Variants in PPM1E observed in about 807,000 individuals in gnomAD.
PPM1E encodes the protein protein phosphatase, Mg2+/Mn2+ dependent 1E.
Under a neutral mutation model 65.9 loss-of-function variants are expected in PPM1E, and 20 were observed. The observed-to-expected ratio is 0.30, with a 90% CI of 0.21 to 0.44. PPM1E has a LOEUF of 0.44. Ranked by LOEUF, PPM1E falls within the 20% of genes least tolerant of loss-of-function variation. The probability of loss-of-function intolerance (pLI) is 1.00; values close to 1 mark genes in which losing one functional copy is unlikely to be tolerated. For synonymous variants in PPM1E, 352 were observed against 374.9 expected, an observed-to-expected ratio of 0.94 and a Z score of 0.70; for missense variants, 713 against 953.1, an observed-to-expected ratio of 0.75 and a Z score of 3.32.
In PPM1E at chr17:58,982,862, C is replaced by T. The variant is rs2031443155; in HGVS notation, c.*1831C>T. ...CATGGTCCTCACTCATATCTGTCAC[C>T]TTCTGAAGCCTAGATCTTGTTAACC... On this transcript the variant is annotated 3_prime_UTR_variant, in exon 7 of 7. Transcript: ENST00000308249. 6.5e-7 allele frequency: 1 copy of T among 1,542,604 alleles called. No homozygotes were observed.
chr17:58,828,568 G>A (rs928653362), intron 1 of PPM1E, among the ~76,000 whole-genome samples: 6 of 152,030 alleles, frequency 3.9e-5, no homozygotes, highest in Non-Finnish European at 7.4e-5. Context: ...AGGTTCAAGT[G>A]ATTCTCCTGC....
At chr17:58,950,905 A>C (rs1489589233) in intron 1 of PPM1E, among the ~76,000 whole-genome samples, 2 of 149,114 alleles carry the variant, frequency 1.3e-5, no homozygotes, top group South Asian at 2.1e-4. Flanking sequence ...CAGCCTCCCC[A>C]GTAGCTGGGA....
At chr17:58,977,650 G>A (rs899233756) in intron 6 of PPM1E, among the ~76,000 whole-genome samples, 1 of 152,138 alleles carries the variant, frequency 6.6e-6, no homozygotes, top group African/African-American at 2.4e-5. Flanking sequence ...GCTAGATAGG[G>A]CATGTGCCCA....
chr17:58,794,726 C>G (rs2050189476), intron 1 of PPM1E, among the ~76,000 whole-genome samples: 1 of 152,120 alleles, frequency 6.6e-6, no homozygotes, highest in Non-Finnish European at 1.5e-5. Context: ...ATCCATGTTG[C>G]TGCAAAGGAC....
intron 2 of PPM1E, among the ~76,000 whole-genome samples, chr17:58,961,456 C>G (rs2030028863): frequency 6.6e-6 from 1 of 152,110 alleles, no homozygotes. Flanking sequence ...GTGAAATGTT[C>G]TAGAGGCATA....
intron 6 of PPM1E, among the ~76,000 whole-genome samples, chr17:58,978,952 C>G (rs919041891): frequency 7.2e-5 from 11 of 152,170 alleles, no homozygotes; most frequent in Non-Finnish European, 1.2e-4. Context: ...CTACCCCAAG[C>G]ACCCTACTCT....
intron 1 of PPM1E, among the ~76,000 whole-genome samples, chr17:58,898,589 A>G (rs1290551319): frequency 7.2e-5 from 11 of 152,202 alleles, no homozygotes; most frequent in Admixed American, 5.2e-4. Context: ...ATCATTGTGG[A>G]AGACAGTGTG....
Position 58,879,565 on chromosome 17 carries a change from G to C in PPM1E, c.465-76084G>C, listed in dbSNP as rs375452400. ...CGCTCTGTCGCCCAGGCTGGAGTGC[G>C]GTGATGCTTGTCGGCTCACTGCAAG... On this transcript the variant is annotated intron_variant, in intron 1 of 6. Coordinates refer to ENST00000308249, the MANE Select transcript of PPM1E (RefSeq NM_014906.5). Among the ~76,000 whole-genome samples, 104 of 143,226 alleles carry C rather than the reference G, an allele frequency of 7.3e-4. 2 individuals are homozygous for C. In the South Asian group the frequency reaches 0.023, roughly 31 times the overall value. The allele number at this position is 143,226 out of a possible 152,430, so 94.0% of individuals were successfully genotyped here.
intron 1 of PPM1E, among the ~76,000 whole-genome samples, chr17:58,952,161 A>G (rs1180618573): frequency 6.6e-6 from 1 of 152,216 alleles, no homozygotes; most frequent in Non-Finnish European, 1.5e-5. Context: ...GTTAGAGTTT[A>G]TGGCAGAAGT....
rs778135183 is a variant in PPM1E, at chr17:58,756,092, A to T, written c.95A>T (p.Glu32Val). The stretch of plus-strand genomic sequence containing the variant: ...GGACCGTGCGGCGGCGGCGAGCCGG[A>T]GCCGGAACCCGAACCCGAACCCGAA... ...FRGPCGGGEP[E>V]PEPEPEPEPE... is the part of the protein sequence containing the mutation. The change falls in exon 1 of 7, where the codon GAG becomes GTG. Residue 32 changes from glutamate to valine, a missense_variant. By Grantham distance (121) the Glu-to-Val change is moderately radical. Transcript: ENST00000308249. 1.2e-6 allele frequency: 2 copies of T among 1,600,076 alleles called. No individual in the cohort carries two copies. The highest frequency in any genetic ancestry group is 2.2e-5 in the South Asian group (2 of 90,356).
At chr17:58,772,170 A>G (rs2049945226) in intron 1 of PPM1E, among the ~76,000 whole-genome samples, 1 of 152,144 alleles carries the variant, frequency 6.6e-6, no homozygotes, top group African/African-American at 2.4e-5. Context: ...GTTAAGATAT[A>G]GATGCAGGCT....
intron 1 of PPM1E, among the ~76,000 whole-genome samples, chr17:58,782,962 C>T (rs998854773): frequency 6.6e-6 from 1 of 152,038 alleles, no homozygotes; most frequent in Non-Finnish European, 1.5e-5. Context: ...AGAACAACAA[C>T]AAATCACTTA....
intron 3 of PPM1E, chr17:58,966,103 T>G: frequency 1.7e-6 from 1 of 595,922 alleles, no homozygotes; most frequent in Non-Finnish European, 3.0e-6. Flanking sequence ...TGGTTCAAAA[T>G]TGGGAAAATA....
chr17:58,940,898 A>T (rs772799022), intron 1 of PPM1E, among the ~76,000 whole-genome samples: 30 of 152,164 alleles, frequency 2.0e-4, no homozygotes, highest in Non-Finnish European at 3.8e-4. Context: ...TTTAGTAGAG[A>T]CAGGGTTTTG....
chr17:58,901,140 C>T (rs540377688), intron 1 of PPM1E, among the ~76,000 whole-genome samples: 50 of 152,134 alleles, frequency 3.3e-4, no homozygotes, highest in African/African-American at 9.4e-4. Flanking sequence ...TATTTTCCTG[C>T]GGTATGCTTA....
chr17:58,886,307 A>T (rs1006634577), intron 1 of PPM1E, among the ~76,000 whole-genome samples: 1 of 152,198 alleles, frequency 6.6e-6, no homozygotes, highest in African/African-American at 2.4e-5. Flanking sequence ...TAACTATACT[A>T]TTTAATTATA....
chr17:58,854,266 T>C (rs1441030786), intron 1 of PPM1E, among the ~76,000 whole-genome samples: 1 of 152,170 alleles, frequency 6.6e-6, no homozygotes, highest in Non-Finnish European at 1.5e-5. Flanking sequence ...TCCTGCCATT[T>C]TGATGAATTT....
chr17:58,825,609 G>C (rs2050528278), intron 1 of PPM1E, among the ~76,000 whole-genome samples: 2 of 151,484 alleles, frequency 1.3e-5, no homozygotes, highest in Non-Finnish European at 1.5e-5. Context: ...TTGTTGCCCT[G>C]GCTGTGGTGC....
intron 1 of PPM1E, among the ~76,000 whole-genome samples, chr17:58,938,992 T>C (rs2052023823): frequency 6.6e-6 from 1 of 151,918 alleles, no homozygotes. Context: ...TTCACCATGT[T>C]GGTCAGGCTG....
Sources: allele counts gnomAD v4.1 joint callset (sites outside exome capture counted in the v4.1 genomes callset), GRCh38; gene constraint gnomAD v4.1.1; transcripts MANE v1.5; gene names NCBI Gene and HGNC (gene_info 2026-07-23, HGNC 2026-07-21).